The following IL21R variants were observed in gnomAD, a reference collection of about 807,000 sequenced individuals.
The protein encoded by IL21R is interleukin 21 receptor.
A neutral mutation model predicts 41.3 loss-of-function variants in IL21R; 14 were observed. That is an observed-to-expected ratio of 0.34 (90% confidence interval 0.22 to 0.53). The LOEUF is 0.53. Ranked by LOEUF, IL21R falls within the 20% of genes least tolerant of loss-of-function variation. The probability of loss-of-function intolerance (pLI) is 0.94; values close to 1 mark genes in which losing one functional copy is unlikely to be tolerated. For missense variants in IL21R, 588 were observed against 681.6 expected (o/e 0.86, Z 1.53); for synonymous variants, 286 against 287.6 (o/e 0.99, Z 0.05).
chr16:27,442,250 A>ATG (rs55897422), intron 4 of IL21R, among the ~76,000 whole-genome samples: 149,638 of 152,256 alleles, frequency 0.98, 73,541 homozygotes, highest in East Asian at 1. Context: ...GCATGTGCAC[A>ATG]TGTGTTTGTG....
chr16:27,410,882 T>C (rs1278851782), intron 1 of IL21R, among the ~76,000 whole-genome samples: 1 of 152,260 alleles, frequency 6.6e-6, no homozygotes, highest in East Asian at 1.9e-4. Context: ...ATGAGATTGA[T>C]TACTTTACAT....
intron 1 of IL21R, among the ~76,000 whole-genome samples, chr16:27,423,537 A>T (rs1363934136): frequency 6.6e-6 from 1 of 152,146 alleles, no homozygotes; most frequent in Non-Finnish European, 1.5e-5. Context: ...ATTTTTAAAT[A>T]TTTTTATGAT....
intron 8 of IL21R, among the ~76,000 whole-genome samples, chr16:27,447,338 G>A (rs752064554): frequency 1.3e-5 from 2 of 152,066 alleles, no homozygotes; most frequent in Non-Finnish European, 2.9e-5. Context: ...TACAGATGAG[G>A]AAACTGAGGC....
intron 3 of IL21R, among the ~76,000 whole-genome samples, chr16:27,435,017 C>G (rs1485265228): frequency 6.6e-6 from 1 of 152,156 alleles, no homozygotes. Context: ...AACCCCAGCA[C>G]TTTGGGAGGC....
chr16:27,438,693 C>A lies in IL21R; in HGVS notation c.352+1006C>A, dbSNP rs1430030053. Among the ~76,000 whole-genome samples the A allele has an allele frequency of 2.6e-5, 4 of 152,158 alleles. No individual in the cohort carries two copies. In the East Asian group the frequency reaches 7.7e-4, roughly 29 times the overall value. ...GACCAGCCTGGGCAACATGGTGAAACCCCATCTCTACTAAAAATACAAAAA... is the reference window on the plus strand; with the variant it reads ...GACCAGCCTGGGCAACATGGTGAAAACCCATCTCTACTAAAAATACAAAAA... On this transcript the variant is annotated intron_variant, in intron 4 of 8. Coordinates refer to ENST00000337929, the MANE Select transcript of IL21R (RefSeq NM_181078.3).
chr16:27,450,911 G>A lies in IL21R; in HGVS notation c.*1628G>A, dbSNP rs1036306617. Reference sequence around the variant, plus strand: ...GGAAGTCAGCACAGGTCAGTCCTGCGGAAGGTTCCTTCGTGACTCATCTGT... The same window carrying A: ...GGAAGTCAGCACAGGTCAGTCCTGCAGAAGGTTCCTTCGTGACTCATCTGT... On this transcript the variant is annotated 3_prime_UTR_variant, in exon 9 of 9. Transcript: ENST00000337929. The A allele has an allele frequency of 2.1e-5, 5 of 233,240 alleles. No homozygotes were observed. The highest frequency in any genetic ancestry group is 4.2e-5 in the Non-Finnish European group (5 of 118,120). The allele number at this position is 233,240 out of a possible 1,614,324, so 14.4% of individuals were successfully genotyped here.
chr16:27,419,096 T>A (rs2086955888), intron 1 of IL21R, among the ~76,000 whole-genome samples: 1 of 151,998 alleles, frequency 6.6e-6, no homozygotes, highest in African/African-American at 2.4e-5. Context: ...GCGCCTGTAA[T>A]CCCAGCTACT....
In IL21R at chr16:27,450,575, T is replaced by C. The variant is rs1463379926; in HGVS notation, c.*1292T>C. 8 of 219,462 alleles carry C rather than the reference T, an allele frequency of 3.6e-5. No individual in the cohort carries two copies. Among genetic ancestry groups the C allele is most frequent in the Non-Finnish European group, 7.2e-5 (8 of 111,456 alleles). The allele number at this position is 219,462 out of a possible 1,614,324, so 13.6% of individuals were successfully genotyped here. A position where few individuals can be genotyped will look rare whatever the true frequency, so the allele number is the denominator to read the frequency against. ...AAGAAAATATTTCTTAGCAACATTT[T>C]CTTTTTCTTTTTTTTTTTTTTCTTT... On this transcript the variant is annotated 3_prime_UTR_variant, in exon 9 of 9. Transcript: ENST00000337929.
intron 2 of IL21R, 38 bp from the exon 3 acceptor site, chr16:27,434,309 A>AC (rs779595730): frequency 3.7e-6 from 5 of 1,343,214 alleles, no homozygotes; most frequent in South Asian, 1.2e-5. Context: ...GTCCCAAGCC[A>AC]CCCCCCACCA....
rs1198185380 is a variant in IL21R, at chr16:27,440,286, AAGCG to A, written c.352+2600_352+2603del. 1.2e-4 allele frequency among the ~76,000 whole-genome samples: 13 copies of A among 105,468 alleles called. 1 individual carries two copies. The highest frequency in any genetic ancestry group is 4.8e-4 in the African/African-American group (11 of 22,832). The allele number at this position is 105,468 out of a possible 152,430, so 69.2% of individuals were successfully genotyped here. ...AGAGAGAGAGAGAGAGAGAGCGAGC[AAGCG>A]CGCGCCAGGGTGTAGCTTTGTCCTC... On this transcript the variant is annotated intron_variant, in intron 4 of 8. Transcript: ENST00000337929.
intron 4 of IL21R, among the ~76,000 whole-genome samples, chr16:27,440,533 A>G (rs1596592287): frequency 6.6e-6 from 1 of 152,004 alleles, no homozygotes; most frequent in Non-Finnish European, 1.5e-5. Flanking sequence ...TCAGCCTCCC[A>G]AAGTGCTGAG....
rs781369102 is a variant in IL21R, at chr16:27,451,212, G to A, written c.*1929G>A. ...ACCTTCTTGGGGGCAACAGGTTCCAGGAGCCACCTGTGGGTGCCACCTGAG... is the reference window on the plus strand; with the variant it reads ...ACCTTCTTGGGGGCAACAGGTTCCAAGAGCCACCTGTGGGTGCCACCTGAG... On this transcript the variant is annotated 3_prime_UTR_variant, in exon 9 of 9. Transcript: ENST00000337929. 195 of 229,418 alleles carry A rather than the reference G, an allele frequency of 8.5e-4. No homozygotes were observed. Among genetic ancestry groups the A allele is most frequent in the Non-Finnish European group, 1.3e-3 (149 of 116,816 alleles). 14.2% of individuals were successfully genotyped at this position (229,418 alleles called of 1,614,324 possible).
intron 1 of IL21R, among the ~76,000 whole-genome samples, chr16:27,428,987 G>A (rs1427377392): frequency 6.6e-6 from 1 of 152,224 alleles, no homozygotes; most frequent in Non-Finnish European, 1.5e-5. Context: ...ACTTTGAGAG[G>A]CTGAGGTGGG....
intron 1 of IL21R, among the ~76,000 whole-genome samples, chr16:27,406,474 A>AGG (rs2086750283): frequency 1.3e-5 from 2 of 152,100 alleles, no homozygotes; most frequent in Admixed American, 6.6e-5. Context: ...GGCTGGAAGA[A>AGG]GTGCCAGGAG....
chr16:27,403,045 C>A, intron 1 of IL21R: 1 of 463,840 alleles, frequency 2.2e-6, no homozygotes, highest in South Asian at 1.7e-5. Flanking sequence ...TCCACCCAGT[C>A]ATTCAAAACA....
chr16:27,402,790 A>G (rs915730407), intron 1 of IL21R, among the ~76,000 whole-genome samples, 172 bp downstream of exon 1: 2 of 152,286 alleles, frequency 1.3e-5, no homozygotes, highest in Middle Eastern at 3.4e-3. Context: ...CTGGGCAGAA[A>G]TGAGGTTGGG....
rs547434979 is a variant in IL21R, at chr16:27,418,950, C to T, written c.-16-11106C>T. Among the ~76,000 whole-genome samples, 8 of 151,484 alleles carry T rather than the reference C, an allele frequency of 5.3e-5. No homozygotes were observed. In the South Asian group the frequency reaches 1.0e-3, roughly 20 times the overall value. On this transcript the variant is annotated intron_variant, in intron 1 of 8. Transcript: ENST00000337929. ...CTAAGACACGCGGGGCATGGTGGCT[C>T]ATGCCCGTAATCCCGGCACTTTGGG...
intron 1 of IL21R, among the ~76,000 whole-genome samples, chr16:27,408,097 A>G (rs1340709600): frequency 6.6e-6 from 1 of 151,656 alleles, no homozygotes; most frequent in Non-Finnish European, 1.5e-5. Context: ...AGTAACAAAG[A>G]AACACACTGT....
rs907721614 is a variant in IL21R at position 27,450,435 on chromosome 16, A to G, written c.*1152A>G. The G allele has an allele frequency of 5.2e-5, 12 of 231,214 alleles. No homozygotes were observed. The highest frequency in any genetic ancestry group is 1.1e-4 in the Admixed American group (2 of 17,704). 14.3% of individuals were successfully genotyped at this position (231,214 alleles called of 1,614,324 possible). A position where few individuals can be genotyped will look rare whatever the true frequency, so the allele number is the denominator to read the frequency against. On this transcript the variant is annotated 3_prime_UTR_variant, in exon 9 of 9. Coordinates refer to ENST00000337929, the MANE Select transcript of IL21R (RefSeq NM_181078.3). ...CTGCTGGGCCCCCTACCCTGCCCCAATTCAATCCTGCCAATAAATCCTGTC... is the reference window on the plus strand; with the variant it reads ...CTGCTGGGCCCCCTACCCTGCCCCAGTTCAATCCTGCCAATAAATCCTGTC...
Sources: gnomAD v4.1 joint callset for allele counts (sites outside exome capture counted in the v4.1 genomes callset) on GRCh38, gnomAD v4.1.1 for gene constraint, MANE v1.5 for transcripts, NCBI Gene and HGNC (gene_info 2026-07-23, HGNC 2026-07-21) for gene names.